Variants in ANKH observed in about 807,000 individuals in gnomAD.
ANKH encodes ANKH inorganic pyrophosphate transport regulator, also known as mineralization regulator ANKH.
Under a neutral mutation model 49.0 loss-of-function variants are expected in ANKH, and 15 were observed. The ratio of observed to expected loss-of-function variants is 0.31; its 90% CI spans 0.20 to 0.47. ANKH has a LOEUF of 0.47. Among genes scored for constraint, ANKH ranks in the 20% least tolerant of loss-of-function variants. The probability of loss-of-function intolerance (pLI) is 1.00; values close to 1 mark genes in which losing one functional copy is unlikely to be tolerated. For missense variants in ANKH, 429 were observed against 652.0 expected, an observed-to-expected ratio of 0.66 and a Z score of 3.72; for synonymous variants, 273 against 260.0, an observed-to-expected ratio of 1.05 and a Z score of -0.48.
At chr5:14,858,144 A>T (rs1250193766) in intron 1 of ANKH, among the ~76,000 whole-genome samples, 2 of 152,192 alleles carry the variant, frequency 1.3e-5, no homozygotes, top group Admixed American at 6.5e-5. Context: ...TTCTAATTTT[A>T]ATTTTTATTT....
At chr5:14,829,946 G>A (rs1210393520) in intron 1 of ANKH, among the ~76,000 whole-genome samples, 3 of 152,076 alleles carry the variant, frequency 2.0e-5, no homozygotes, top group African/African-American at 7.3e-5. Flanking sequence ...TAAACCCAGG[G>A]AATTATCAAT....
At chr5:14,791,761 C>G (rs1740173954) in intron 1 of ANKH, among the ~76,000 whole-genome samples, 1 of 152,146 alleles carries the variant, frequency 6.6e-6, no homozygotes, top group Non-Finnish European at 1.5e-5. Flanking sequence ...AAAAGTCTAC[C>G]CCAGCCTCTC....
At chr5:14,829,166 C>CAG (rs1025132510) in intron 1 of ANKH, among the ~76,000 whole-genome samples, 2 of 123,894 alleles carry the variant, frequency 1.6e-5, no homozygotes, top group African/African-American at 3.2e-5. Flanking sequence ...GCCTGGGCGA[C>CAG]AGAGAGAGAC....
intron 1 of ANKH, among the ~76,000 whole-genome samples, chr5:14,855,355 G>A (rs922768561): frequency 3.9e-5 from 6 of 152,234 alleles, no homozygotes; most frequent in Non-Finnish European, 8.8e-5. Flanking sequence ...CACTGCATTC[G>A]TCCTTTTGCT....
chr5:14,711,305 C>T lies in ANKH; in HGVS notation c.1371G>A (p.Lys457=). Residue 457 remains lysine (K), a synonymous_variant, in exon 12 of 12, where the codon AAG becomes AAA. Coordinates refer to ENST00000284268, the MANE Select transcript of ANKH (RefSeq NM_054027.6). ...AACYVYRKQK[K]KMENESATEG... ...CCGTGGCCGACTCATTCTCCATCTT[C>T]TTTTTCTAGACCAAAGAAGACTCAT... 1 of 1,614,064 alleles carries T rather than the reference C, an allele frequency of 6.2e-7. No individual in the cohort carries two copies. The highest frequency in any genetic ancestry group is 8.5e-7 in the Non-Finnish European group (1 of 1,179,922).
intron 8 of ANKH, among the ~76,000 whole-genome samples, chr5:14,721,733 A>G (rs187014535): frequency 2.6e-5 from 4 of 152,102 alleles, no homozygotes; most frequent in Non-Finnish European, 2.9e-5. Context: ...GATCGAGACC[A>G]TCCTGGCTAA....
intron 1 of ANKH, among the ~76,000 whole-genome samples, chr5:14,814,241 G>T (rs1258960278): frequency 6.6e-6 from 1 of 152,186 alleles, no homozygotes; most frequent in Non-Finnish European, 1.5e-5. Flanking sequence ...TAAACAACGT[G>T]AGGGCAGGAG....
At chr5:14,747,964 A>T (rs1043465894) in intron 6 of ANKH, among the ~76,000 whole-genome samples, 3 of 152,244 alleles carry the variant, frequency 2.0e-5, no homozygotes, top group Non-Finnish European at 2.9e-5. Context: ...GGAGTCAAGG[A>T]AATGTACATA....
chr5:14,728,535 G>C (rs1050509781), intron 8 of ANKH, among the ~76,000 whole-genome samples: 1 of 152,240 alleles, frequency 6.6e-6, no homozygotes, highest in Admixed American at 6.5e-5. Context: ...TCACGGCGTG[G>C]GGGTGGGGTG....
chr5:14,749,357 G>GA, intron 5 of ANKH, 51 bp from the exon 6 acceptor site: 1 of 1,600,042 alleles, frequency 6.2e-7, no homozygotes, highest in Non-Finnish European at 8.6e-7. Flanking sequence ...AAGCAGAATG[G>GA]AAAAAACGAT....
chr5:14,714,416 C>A (rs1245117145), intron 9 of ANKH, among the ~76,000 whole-genome samples: 4 of 152,220 alleles, frequency 2.6e-5, no homozygotes, highest in African/African-American at 9.6e-5. Flanking sequence ...ACTGGAAAGG[C>A]TTGAGGACGC....
At chr5:14,735,169 A>G (rs1738135413) in intron 8 of ANKH, among the ~76,000 whole-genome samples, 1 of 152,232 alleles carries the variant, frequency 6.6e-6, no homozygotes, top group African/African-American at 2.4e-5. Context: ...AATATCATTA[A>G]GCATGTAAGT....
At chr5:14,774,252 G>A (rs1238607018) in intron 1 of ANKH, among the ~76,000 whole-genome samples, 3 of 152,026 alleles carry the variant, frequency 2.0e-5, no homozygotes, top group Non-Finnish European at 2.9e-5. Flanking sequence ...TTCTTACCCC[G>A]CCATAGATAG....
intron 1 of ANKH, among the ~76,000 whole-genome samples, chr5:14,818,429 G>A (rs1171628148): frequency 6.6e-6 from 1 of 151,868 alleles, no homozygotes; most frequent in Non-Finnish European, 1.5e-5. Context: ...ATCACCTGAG[G>A]TCAGGAGTTC....
intron 1 of ANKH, among the ~76,000 whole-genome samples, chr5:14,866,369 T>C (rs1030543678): frequency 2.0e-5 from 3 of 152,210 alleles, no homozygotes; most frequent in Non-Finnish European, 4.4e-5. Context: ...ATTTCTTAAG[T>C]GAGAACAATT....
intron 8 of ANKH, among the ~76,000 whole-genome samples, chr5:14,733,503 G>A (rs1029821119): frequency 6.6e-6 from 1 of 152,160 alleles, no homozygotes; most frequent in African/African-American, 2.4e-5. Context: ...TGTGCCCAGA[G>A]TGTTTTTTGA....
chr5:14,832,726 G>A (rs939123890), intron 1 of ANKH, among the ~76,000 whole-genome samples: 4 of 152,158 alleles, frequency 2.6e-5, no homozygotes, highest in Non-Finnish European at 4.4e-5. Context: ...TGTAGAGTTT[G>A]TTGGGCTGTT....
At chr5:14,730,537 T>C (rs966922466) in intron 8 of ANKH, among the ~76,000 whole-genome samples, 1 of 152,064 alleles carries the variant, frequency 6.6e-6, no homozygotes, top group Non-Finnish European at 1.5e-5. Context: ...AAGTGGGTAC[T>C]GGGGACAGCA....
At chr5:14,751,713 AC>A (rs1211403984) in intron 4 of ANKH, among the ~76,000 whole-genome samples, 2 of 125,338 alleles carry the variant, frequency 1.6e-5, no homozygotes, top group South Asian at 2.4e-4. Context: ...CAACAAAAAA[AC>A]AAACAAAAAA....
Sources: gnomAD v4.1 joint callset for allele counts (sites outside exome capture counted in the v4.1 genomes callset) on GRCh38, gnomAD v4.1.1 for gene constraint, MANE v1.5 for transcripts, NCBI Gene and HGNC (gene_info 2026-07-23, HGNC 2026-07-21) for gene names.